DAPK2: variants seen among roughly 807,000 people sequenced by gnomAD.
DAPK2 encodes death associated protein kinase 2.
Under a neutral mutation model 44.1 loss-of-function variants are expected in DAPK2, and 35 were observed. The observed-to-expected ratio is 0.79, with a 90% CI of 0.61 to 1.05. The LOEUF (loss-of-function observed/expected upper bound fraction) is 1.05. DAPK2 is among the 50% of genes least tolerant of loss of function. DAPK2 has a pLI of 0.00. For missense variants in DAPK2, 453 were observed against 483.2 expected, an observed-to-expected ratio of 0.94 and a Z score of 0.59; for synonymous variants, 174 against 182.6, an observed-to-expected ratio of 0.95 and a Z score of 0.38.
chr15:64,038,024 C>A (rs996200754), intron 1 of DAPK2, among the ~76,000 whole-genome samples: 1 of 152,170 alleles, frequency 6.6e-6, no homozygotes, highest in African/African-American at 2.4e-5. Context: ...AACATGAGGT[C>A]TCTTCCGGGT....
At chr15:63,911,081 T>A in intron 10 of DAPK2, 1 of 152,918 alleles carries the variant, frequency 6.5e-6, no homozygotes, top group Non-Finnish European at 1.5e-5. Context: ...TAGCTGGGTG[T>A]GGTGGCGCAT....
In DAPK2 at chr15:63,916,312, CACCCCCCACACAACG is replaced by C. The variant is rs2078924819; in HGVS notation, c.859-4130_859-4116del. On this transcript the variant is annotated intron_variant, in intron 8 of 10. Coordinates refer to ENST00000261891, the Ensembl canonical transcript of DAPK2. This position sits in a 1 kb window ranked among gnomAD's most constrained non-coding sequence, Gnocchi z 4.7. The stretch of plus-strand genomic sequence containing the variant: ...ACTGAAGAGGCGACTCCCCCAACTC[CACCCCCCACACAACG>C]ATTTTCTCTAGATACTAGGTCTTCT... 6.6e-6 allele frequency: 1 copy of C among 152,370 alleles called. No individual in the cohort carries two copies. Among genetic ancestry groups the C allele is most frequent in the Non-Finnish European group, 1.5e-5 (1 of 68,300 alleles). The allele number at this position is 152,370 out of a possible 1,614,324, so 9.4% of individuals were successfully genotyped here.
rs1349138009 is a variant in DAPK2, at chr15:63,920,690, G to A, written c.858+4126C>T. The A allele has an allele frequency of 3.3e-5, 5 of 152,140 alleles. No homozygotes were observed. The East Asian group carries it at 9.6e-4, about 29-fold the overall frequency. 9.4% of individuals were successfully genotyped at this position (152,140 alleles called of 1,614,324 possible). On this transcript the variant is annotated intron_variant, in intron 8 of 10. Transcript: ENST00000261891. ...ACCACTTCCTGTCTGAGCTGTTCAC[G>A]GGGCATTCCCTCCCCAGCACCTGGA... is the stretch of plus-strand genomic sequence containing the variant.
chr15:64,043,058 G>T (rs1022912390), upstream of DAPK2, among the ~76,000 whole-genome samples: 1 of 152,194 alleles, frequency 6.6e-6, no homozygotes, highest in African/African-American at 2.4e-5. Context: ...TTAAATCCCA[G>T]CTCTGTCACT....
chr15:63,981,836 T>C (rs1424427775), intron 2 of DAPK2, among the ~76,000 whole-genome samples: 1 of 152,080 alleles, frequency 6.6e-6, no homozygotes, highest in Admixed American at 6.6e-5. Flanking sequence ...GGGAGAAACA[T>C]GGAGGACACT....
intron 1 of DAPK2, among the ~76,000 whole-genome samples, chr15:64,024,074 G>A (rs529433620): frequency 6.6e-5 from 10 of 152,206 alleles, no homozygotes; most frequent in Non-Finnish European, 1.3e-4. Flanking sequence ...GGTCCTGGAA[G>A]ACCCTGGTAT....
In DAPK2 at chr15:63,911,806, G is replaced by A. The variant is rs1301498657; in HGVS notation, c.1032+102C>T. 6 of 1,193,516 alleles carry A rather than the reference G, an allele frequency of 5.0e-6. 1 individual carries two copies. In the Middle Eastern group the frequency reaches 7.5e-4, roughly 149 times the overall value. The allele number at this position is 1,193,516 out of a possible 1,614,324, so 73.9% of individuals were successfully genotyped here. On this transcript the variant is annotated intron_variant, in intron 10 of 10. Coordinates refer to ENST00000261891, the Ensembl canonical transcript of DAPK2. ...GGGCCAGCAGAACTGGCTGGAAACA[G>A]TGAACACCCACCTGCCTTGTGAGGG...
chr15:64,041,844 C>T (rs1056683733), upstream of DAPK2, among the ~76,000 whole-genome samples: 5 of 152,210 alleles, frequency 3.3e-5, no homozygotes, highest in African/African-American at 1.2e-4. Flanking sequence ...ATGCCGCCTG[C>T]CTCTCTCCCT....
chr15:63,911,079 T>C (rs144823212), intron 10 of DAPK2: 4,805 of 152,676 alleles, frequency 0.031, 103 homozygotes, highest in South Asian at 0.071. Context: ...ATTAGCTGGG[T>C]GTGGTGGCGC....
rs1180103317 is a variant in DAPK2, at chr15:64,013,693, CAG to C, written c.92+26475_92+26476del. On this transcript the variant is annotated intron_variant, in intron 1 of 10. Coordinates refer to ENST00000261891, the Ensembl canonical transcript of DAPK2. This position sits in a 1 kb window ranked among gnomAD's most constrained non-coding sequence, Gnocchi z 4.7. ...GGGAAGGAGGGTGCTATTAAGTGAA[CAG>C]AGTTATAGGTTTCCTGGCAGCGGTG... Among the ~76,000 whole-genome samples the C allele has an allele frequency of 6.6e-6, 1 of 152,132 alleles. No individual in the cohort carries two copies. Among genetic ancestry groups the C allele is most frequent in the Admixed American group, 6.5e-5 (1 of 15,272 alleles).
At chr15:63,926,137 G>A (rs1384239524) in intron 6 of DAPK2, 44 bp from the exon 8 acceptor site, 1 of 1,564,668 alleles carries the variant, frequency 6.4e-7, no homozygotes, top group Non-Finnish European at 8.7e-7. Flanking sequence ...GGGAAAGTAG[G>A]TGGAAATGGG....
chr15:63,938,627 A>G (rs1318147937), intron 4 of DAPK2, among the ~76,000 whole-genome samples: 4 of 152,150 alleles, frequency 2.6e-5, no homozygotes, highest in African/African-American at 9.7e-5. Context: ...TCTACAGGCT[A>G]TTTCTTCATG....
intron 1 of DAPK2, among the ~76,000 whole-genome samples, chr15:64,038,935 C>T (rs2080283763): frequency 6.6e-6 from 1 of 152,188 alleles, no homozygotes. Flanking sequence ...TTTAGAAAGG[C>T]TAATTAGAAA....
Position 64,013,484 on chromosome 15 carries a change from G to A in DAPK2, c.92+26686C>T, listed in dbSNP as rs148638159. ...CAACAGCTATGTCTCTGATTACCTTGCATTCAGTCCTATGGAAGCAAATAC... is the reference window on the plus strand; with the variant it reads ...CAACAGCTATGTCTCTGATTACCTTACATTCAGTCCTATGGAAGCAAATAC... On this transcript the variant is annotated intron_variant, in intron 1 of 10. Coordinates refer to ENST00000261891, the Ensembl canonical transcript of DAPK2. The surrounding 1 kb of genome is among the most constrained non-coding windows in gnomAD (Gnocchi z 4.7). 6.6e-6 allele frequency among the ~76,000 whole-genome samples: 1 copy of A among 152,264 alleles called. No homozygotes were observed. Among genetic ancestry groups the A allele is most frequent in the African/African-American group, 2.4e-5 (1 of 41,546 alleles).
intron 3 of DAPK2, among the ~76,000 whole-genome samples, chr15:63,952,886 A>T (rs1324441735): frequency 6.6e-6 from 1 of 152,062 alleles, no homozygotes; most frequent in Admixed American, 6.6e-5. Flanking sequence ...CAAATACTAG[A>T]TCATCTTCAT....
chr15:64,025,683 T>G (rs1016038849), intron 1 of DAPK2, among the ~76,000 whole-genome samples: 1 of 152,204 alleles, frequency 6.6e-6, no homozygotes, highest in Non-Finnish European at 1.5e-5. Context: ...AAGCAAAATG[T>G]AGGATATTAT....
At chr15:64,043,897 G>C (rs1285751655), upstream of DAPK2, among the ~76,000 whole-genome samples, 1 of 152,196 alleles carries the variant, frequency 6.6e-6, no homozygotes, top group African/African-American at 2.4e-5. Context: ...CACTATATAA[G>C]TGTTGGCTGA....
chr15:64,024,655 G>A (rs942585002), intron 1 of DAPK2, among the ~76,000 whole-genome samples: 5 of 152,134 alleles, frequency 3.3e-5, no homozygotes, highest in African/African-American at 7.2e-5. Flanking sequence ...GTCCCGCCCT[G>A]AGCCTATCCT....
intron 2 of DAPK2, 32 bp from the exon 4 acceptor site, chr15:63,971,593 C>A: frequency 1.2e-6 from 2 of 1,608,870 alleles, no homozygotes; most frequent in Non-Finnish European, 1.7e-6. Context: ...AGGGGAGGCC[C>A]AGGCCCAGTC....
Sources: gnomAD v4.1 joint callset for allele counts (sites outside exome capture counted in the v4.1 genomes callset) on GRCh38, gnomAD v4.1.1 for gene constraint, Gnocchi (gnomAD v3.1) non-coding constraint, MANE v1.5 for transcripts, NCBI Gene and HGNC (gene_info 2026-07-23, HGNC 2026-07-21) for gene names.